GLDN: variants seen among roughly 807,000 people sequenced by gnomAD.
GLDN encodes the protein collomin.
A neutral mutation model predicts 56.5 loss-of-function variants in GLDN; 47 were observed. The ratio of observed to expected loss-of-function variants is 0.83; its 90% confidence interval spans 0.66 to 1.06. GLDN has a LOEUF of 1.06. Ranked by LOEUF, GLDN falls within the 50% of genes least tolerant of loss-of-function variation. The probability of loss-of-function intolerance (pLI) is 0.00; values close to 1 mark genes in which losing one functional copy is unlikely to be tolerated. For synonymous variants in GLDN, 332 were observed against 278.8 expected, an observed-to-expected ratio of 1.19 and a Z score of -1.90; for missense variants, 782 against 714.3, an observed-to-expected ratio of 1.09 and a Z score of -1.08.
In GLDN at chr15:51,402,686, G is replaced by T. The variant is rs772519631; in HGVS notation, c.1178+943G>T. Among the ~76,000 whole-genome samples, 15 of 152,306 alleles carry T rather than the reference G, an allele frequency of 9.8e-5. No individual in the cohort carries two copies. The East Asian group carries it at 2.7e-3, about 27-fold the overall frequency. On this transcript the variant is annotated intron_variant, in intron 9 of 9. Coordinates refer to ENST00000335449, the MANE Select transcript of GLDN (RefSeq NM_181789.4). The stretch of plus-strand genomic sequence containing the variant: ...CTCCCTCATCCTTCTCCTACCCTTA[G>T]TGAGGTCCAGCTTTAACAACCTTTG...
intron 4 of GLDN, among the ~76,000 whole-genome samples, chr15:51,386,690 G>C (rs1248786602): frequency 1.3e-5 from 2 of 152,206 alleles, no homozygotes; most frequent in Admixed American, 1.3e-4. Flanking sequence ...CCGTAGGCGG[G>C]GGACAGCGGG....
intron 1 of GLDN, among the ~76,000 whole-genome samples, chr15:51,354,218 C>G (rs1595803574): frequency 6.6e-6 from 1 of 152,112 alleles, no homozygotes; most frequent in East Asian, 1.9e-4. Flanking sequence ...TGCCTAGGCT[C>G]TATATAAAAA....
chr15:51,355,033 A>G (rs2037147276), intron 1 of GLDN, among the ~76,000 whole-genome samples: 1 of 152,272 alleles, frequency 6.6e-6, no homozygotes, highest in South Asian at 2.1e-4. Context: ...CTAATTGGAT[A>G]TAAGGAAAAG....
chr15:51,346,325 A>G (rs2036977618), intron 1 of GLDN, among the ~76,000 whole-genome samples: 1 of 152,238 alleles, frequency 6.6e-6, no homozygotes, highest in African/African-American at 2.4e-5. Context: ...ACAGAGTGGG[A>G]TATGAATAGA....
chr15:51,376,857 G>A (rs2037641996), intron 1 of GLDN, among the ~76,000 whole-genome samples: 1 of 152,020 alleles, frequency 6.6e-6, no homozygotes, highest in African/African-American at 2.4e-5. Context: ...GGGTCTCCAG[G>A]GGCAATAACA....
intron 1 of GLDN, among the ~76,000 whole-genome samples, chr15:51,372,582 G>T (rs142676381): frequency 5.3e-5 from 8 of 152,142 alleles, no homozygotes; most frequent in Admixed American, 5.2e-4. Flanking sequence ...CCATGCTAGC[G>T]TGGCTGGGTT....
chr15:51,366,253 T>C (rs988440032), intron 1 of GLDN, among the ~76,000 whole-genome samples: 3 of 152,236 alleles, frequency 2.0e-5, no homozygotes, highest in Non-Finnish European at 4.4e-5. Flanking sequence ...TTTCTGGTTC[T>C]GGAACTGGGT....
intron 1 of GLDN, among the ~76,000 whole-genome samples, chr15:51,373,299 C>T (rs561133995): frequency 2.0e-5 from 3 of 152,318 alleles, no homozygotes; most frequent in African/African-American, 2.4e-5. Flanking sequence ...AAGTTCCTGA[C>T]GCTGGTCTTG....
At chr15:51,354,461 G>A (rs1334345132) in intron 1 of GLDN, among the ~76,000 whole-genome samples, 1 of 152,190 alleles carries the variant, frequency 6.6e-6, no homozygotes, top group Non-Finnish European at 1.5e-5. Flanking sequence ...CAGTGACTGT[G>A]TGGAAAGCAT....
intron 1 of GLDN, among the ~76,000 whole-genome samples, chr15:51,371,541 G>T (rs566685537): frequency 4.6e-5 from 7 of 152,298 alleles, no homozygotes; most frequent in Middle Eastern, 3.4e-3. Context: ...AATGAGAATA[G>T]TTCCCTTTTC....
At chr15:51,411,261 A>C (rs1003572879), downstream of GLDN, among the ~76,000 whole-genome samples, 1 of 152,236 alleles carries the variant, frequency 6.6e-6, no homozygotes, top group African/African-American at 2.4e-5. Flanking sequence ...TCTCCTGCAG[A>C]AGGGGAGAAA....
intron 2 of GLDN, 26 bp downstream of exon 2, chr15:51,377,526 C>T: frequency 1.2e-6 from 2 of 1,606,166 alleles, no homozygotes; most frequent in Non-Finnish European, 1.7e-6. Context: ...AGCAGAGCCG[C>T]TCACACAACA....
downstream of GLDN, among the ~76,000 whole-genome samples, chr15:51,411,531 A>G (rs1261974851): frequency 1.3e-5 from 2 of 152,224 alleles, no homozygotes; most frequent in South Asian, 2.1e-4. Flanking sequence ...TCTATAGAAG[A>G]CCTGATAACA....
Position 51,379,636 on chromosome 15 carries a change from A to G in GLDN, c.415+2136A>G, listed in dbSNP as rs145820061. ...TTTTTGGTGTTCATGGCCATCACAGACCTCAAGTTTACATAACTGGGGCAT... is the reference window on the plus strand; with the variant it reads ...TTTTTGGTGTTCATGGCCATCACAGGCCTCAAGTTTACATAACTGGGGCAT... On this transcript the variant is annotated intron_variant, in intron 2 of 9. Coordinates refer to ENST00000335449, the MANE Select transcript of GLDN (RefSeq NM_181789.4). Among the ~76,000 whole-genome samples, 76 of 152,264 alleles carry G rather than the reference A, an allele frequency of 5.0e-4. 2 individuals are homozygous for G. The East Asian group carries it at 0.013, about 27-fold the overall frequency.
chr15:51,404,823 A>G lies in GLDN; in HGVS notation c.*69A>G, dbSNP rs1364452488. ...GGGACCAGTTCTCCCCCAACAGGAA[A>G]CTTGTTTTTTTAACGTCAGCCAGAT... On this transcript the variant is annotated 3_prime_UTR_variant, in exon 10 of 10. Coordinates refer to ENST00000335449, the MANE Select transcript of GLDN (RefSeq NM_181789.4). The G allele has an allele frequency of 5.0e-6, 4 of 803,300 alleles. No individual in the cohort carries two copies. Among genetic ancestry groups the G allele is most frequent in the Admixed American group, 4.6e-5 (2 of 43,618 alleles). The allele number at this position is 803,300 out of a possible 1,614,324, so 49.8% of individuals were successfully genotyped here. A position where few individuals can be genotyped will look rare whatever the true frequency, so the allele number is the denominator to read the frequency against.
chr15:51,382,081 A>G (rs1014748223), intron 2 of GLDN, among the ~76,000 whole-genome samples: 6 of 152,110 alleles, frequency 3.9e-5, no homozygotes, highest in Non-Finnish European at 8.8e-5. Flanking sequence ...GAATCTTATA[A>G]GTCCCCACCT....
chr15:51,404,887 G>A lies in GLDN; in HGVS notation c.*133G>A, dbSNP rs2038342672. The A allele has an allele frequency of 6.1e-6, 4 of 658,574 alleles. No homozygotes were observed. In the East Asian group the frequency reaches 1.0e-4, roughly 17 times the overall value. The allele number at this position is 658,574 out of a possible 1,614,324, so 40.8% of individuals were successfully genotyped here. A position where few individuals can be genotyped will look rare whatever the true frequency, so the allele number is the denominator to read the frequency against. On this transcript the variant is annotated 3_prime_UTR_variant, in exon 10 of 10. Coordinates refer to ENST00000335449, the MANE Select transcript of GLDN (RefSeq NM_181789.4). ...CCTCAAAAGTGTTTATATGGTCAGT[G>A]AGCCCCGCTTAGTGAAATAGCAACA...
At chr15:51,412,099 T>TGG (rs2038471374), downstream of GLDN, among the ~76,000 whole-genome samples, 2 of 152,258 alleles carry the variant, frequency 1.3e-5, no homozygotes, top group Admixed American at 1.3e-4. Flanking sequence ...TTCAAGTGTG[T>TGG]TAACTCGTAC....
Position 51,401,650 on chromosome 15 carries a change from T to C in GLDN, c.1085T>C (p.Phe362Ser). The stretch of plus-strand genomic sequence containing the variant: ...TCACTTCTGAATGGCAGTTACACGT[T>C]CATCCACCTTCCATACTATTTCCAT... ...QPSLLNGSYT[F>S]IHLPYYFHGC... Residue 362 changes from phenylalanine (F) to serine (S), a missense_variant, in exon 9 of 10, where the codon TTC becomes TCC. Phe to Ser is a radical substitution (Grantham distance 155). Coordinates refer to ENST00000335449, the MANE Select transcript of GLDN (RefSeq NM_181789.4). The C allele has an allele frequency of 6.2e-7, 1 of 1,614,118 alleles. No homozygotes were observed. The highest frequency in any genetic ancestry group is 8.5e-7 in the Non-Finnish European group (1 of 1,179,954).
Sources: gnomAD v4.1 joint callset for allele counts (sites outside exome capture counted in the v4.1 genomes callset) on GRCh38, gnomAD v4.1.1 for gene constraint, MANE v1.5 for transcripts, NCBI Gene and HGNC (gene_info 2026-07-23, HGNC 2026-07-21) for gene names.